ACSM1: variants seen among roughly 807,000 people sequenced by gnomAD.
ACSM1 encodes the protein acyl-CoA synthetase medium chain family member 1.
Under a neutral mutation model 75.8 loss-of-function variants are expected in ACSM1, and 79 were observed. The ratio of observed to expected loss-of-function variants is 1.04; its 90% CI spans 0.87 to 1.26. ACSM1 has a LOEUF of 1.26. Among genes scored for constraint, ACSM1 ranks in the 50% most tolerant of loss-of-function variants. ACSM1 has a pLI of 0.00. For synonymous variants in ACSM1, 279 were observed against 265.8 expected, an observed-to-expected ratio of 1.05 and a Z score of -0.48; for missense variants, 676 against 720.1, an observed-to-expected ratio of 0.94 and a Z score of 0.70.
In ACSM1 at chr16:20,691,213, G is replaced by C. The variant is rs1329667842; in HGVS notation, c.-25C>G. On this transcript the variant is annotated 5_prime_UTR_variant, in exon 2 of 14. Transcript: ENST00000520010. ...TGGTGAAACAGTCCTCAGAAACCAG[G>C]CACAGAGTTCTCAAGTCACCACCTG... is the stretch of plus-strand genomic sequence containing the variant. 2 of 1,530,924 alleles carry C rather than the reference G, an allele frequency of 1.3e-6. No homozygotes were observed. The highest frequency in any genetic ancestry group is 4.6e-5 in the Admixed American group (2 of 43,746). 94.8% of individuals were successfully genotyped at this position (1,530,924 alleles called of 1,614,324 possible).
At chr16:20,672,107 A>G (rs2019945770) in intron 4 of ACSM1, among the ~76,000 whole-genome samples, 1 of 152,174 alleles carries the variant, frequency 6.6e-6, no homozygotes, top group Admixed American at 6.6e-5. Flanking sequence ...ACTGAGACTC[A>G]GAGAGGTTAG....
intron 1 of ACSM1, among the ~76,000 whole-genome samples, chr16:20,695,556 C>T (rs2079685044): frequency 1.3e-5 from 2 of 151,964 alleles, no homozygotes; most frequent in South Asian, 4.1e-4. Context: ...GATTATCTGT[C>T]TATCTATCTA....
At chr16:20,678,118 T>A (rs1041109871) in intron 4 of ACSM1, among the ~76,000 whole-genome samples, 1 of 152,124 alleles carries the variant, frequency 6.6e-6, no homozygotes, top group African/African-American at 2.4e-5. Context: ...TCCCAGAGAT[T>A]CCCCTTCTGT....
chr16:20,663,029 A>G (rs2019376096), intron 6 of ACSM1, among the ~76,000 whole-genome samples: 2 of 152,116 alleles, frequency 1.3e-5, no homozygotes, highest in Admixed American at 6.5e-5. Context: ...AGAGTCTTGG[A>G]ACATGTCCTG....
chr16:20,625,578 A>G, intron 11 of ACSM1, 56 bp from the exon 12 acceptor site: 1 of 1,505,918 alleles, frequency 6.6e-7, no homozygotes, highest in South Asian at 1.2e-5. Flanking sequence ...CCAAGTCCCC[A>G]GATCTCCTGC....
rs1391184014 is a variant in ACSM1 at position 20,685,263 on chromosome 16, T to C, written c.333A>G (p.Gly111=). The part of the protein sequence containing the change: ...VFTQTCGLQQ[G]DHLALMLPRV... ...GAGGCAGCATCAAGGCCAGATGGTC[T>C]CCCTGTTGTAGGCCACAGGTCTGTG... The change falls in exon 3 of 14, where the codon GGA becomes GGG. Residue 111 remains glycine, a synonymous_variant. Transcript: ENST00000520010. The C allele has an allele frequency of 1.9e-6, 3 of 1,614,188 alleles. No individual in the cohort carries two copies. In the African/African-American group the frequency reaches 4.0e-5, roughly 22 times the overall value.
chr16:20,689,332 A>G (rs1195720962), intron 2 of ACSM1, among the ~76,000 whole-genome samples: 1 of 152,272 alleles, frequency 6.6e-6, no homozygotes, highest in East Asian at 1.9e-4. Context: ...GAAGAAAATC[A>G]AAGTGTGTCA....
intron 7 of ACSM1, among the ~76,000 whole-genome samples, chr16:20,660,636 G>A (rs1388294151): frequency 6.6e-6 from 1 of 152,172 alleles, no homozygotes; most frequent in Non-Finnish European, 1.5e-5. Flanking sequence ...AATACAGCCA[G>A]ACTGAAGCTT....
chr16:20,671,455 A>ACACG, intron 5 of ACSM1, 76 bp downstream of exon 5: 3 of 1,317,368 alleles, frequency 2.3e-6, no homozygotes, highest in Non-Finnish European at 3.1e-6. Flanking sequence ...ACACACACAC[A>ACACG]CACACACACA....
intron 4 of ACSM1, chr16:20,681,120 G>T (rs2079437172): frequency 6.6e-6 from 1 of 152,232 alleles, no homozygotes; most frequent in African/African-American, 2.4e-5. Context: ...GGGTCATGGG[G>T]TTACCACACC....
At chr16:20,640,348 C>T in intron 8 of ACSM1, 113 bp downstream of exon 8, 1 of 1,256,540 alleles carries the variant, frequency 8.0e-7, no homozygotes, top group Non-Finnish European at 1.1e-6. Context: ...TCAAAATCAT[C>T]TTTGGGGAAA....
chr16:20,663,041 G>T (rs2019377191), intron 6 of ACSM1, among the ~76,000 whole-genome samples: 1 of 152,082 alleles, frequency 6.6e-6, no homozygotes, highest in Admixed American at 6.5e-5. Context: ...CATGTCCTGG[G>T]TCCAGGGCCT....
intron 7 of ACSM1, among the ~76,000 whole-genome samples, chr16:20,640,999 G>A (rs1017189333): frequency 6.6e-6 from 1 of 152,102 alleles, no homozygotes; most frequent in African/African-American, 2.4e-5. Flanking sequence ...ATTCTTTTAT[G>A]GAGCTTACAC....
chr16:20,661,970 GCCCA>G (rs1468670781), intron 6 of ACSM1, 97 bp from the exon 7 acceptor site: 1 of 690,680 alleles, frequency 1.4e-6, no homozygotes, highest in East Asian at 2.7e-5. Context: ...CACTAGAAGA[GCCCA>G]TTTGTTAATT....
rs2019907691 is a variant in ACSM1, at chr16:20,671,595, T to G, written c.688A>C (p.Thr230Pro). 6.2e-7 allele frequency: 1 copy of G among 1,613,982 alleles called. No individual in the cohort carries two copies. The highest frequency in any genetic ancestry group is 2.2e-5 in the East Asian group (1 of 44,864). ...PMVIFFTSGT[T>P]GFPKMAKHSH... Reference sequence around the variant, plus strand: ...TGTTTTGCCATCTTGGGGAAGCCTGTGGTCCCACTGGTGAAGAAGATGACC... The same window carrying G: ...TGTTTTGCCATCTTGGGGAAGCCTGGGGTCCCACTGGTGAAGAAGATGACC... Residue 230 changes from threonine to proline, a missense_variant, in exon 5 of 14, where the codon ACA (threonine) becomes CCA (proline). By Grantham distance (38) the Thr-to-Pro change is conservative. Transcript: ENST00000520010.
In ACSM1 at chr16:20,675,856, C is replaced by G. The variant is rs1224788767; in HGVS notation, c.612-4185G>C. ...CACAGCTCACACCCAGAGAAACCAGCTGCGCTGGCGGCTACGGAGTTAAAG... is the reference window on the plus strand; with the variant it reads ...CACAGCTCACACCCAGAGAAACCAGGTGCGCTGGCGGCTACGGAGTTAAAG... On this transcript the variant is annotated intron_variant, in intron 4 of 13. Coordinates refer to ENST00000520010, the MANE Select transcript of ACSM1 (RefSeq NM_001318890.3). 2.0e-5 allele frequency among the ~76,000 whole-genome samples: 3 copies of G among 152,208 alleles called. No individual in the cohort carries two copies. The South Asian group carries it at 6.2e-4, about 32-fold the overall frequency.
At chr16:20,667,768 G>T (rs1230172709) in intron 6 of ACSM1, among the ~76,000 whole-genome samples, 1 of 152,160 alleles carries the variant, frequency 6.6e-6, no homozygotes, top group Non-Finnish European at 1.5e-5. Context: ...ATCAATGGTG[G>T]ACTGGTATAA....
At chr16:20,658,622 TCTC>T (rs1360526233) in intron 7 of ACSM1, among the ~76,000 whole-genome samples, 3 of 152,272 alleles carry the variant, frequency 2.0e-5, no homozygotes, top group Admixed American at 2.0e-4. Context: ...AATTATGACT[TCTC>T]CTGTGACAAA....
At chr16:20,693,672 G>A (rs1348688829) in intron 1 of ACSM1, among the ~76,000 whole-genome samples, 1 of 152,150 alleles carries the variant, frequency 6.6e-6, no homozygotes, top group East Asian at 1.9e-4. Context: ...TAAATGAGAT[G>A]TTCTCCAGTT....
Sources: allele counts gnomAD v4.1 joint callset (sites outside exome capture counted in the v4.1 genomes callset), GRCh38; gene constraint gnomAD v4.1.1; transcripts MANE v1.5; gene names NCBI Gene and HGNC (gene_info 2026-07-23, HGNC 2026-07-21).